SNX24: variants seen among roughly 807,000 people sequenced by gnomAD.
SNX24 encodes the protein sorting nexin 24.
In SNX24, 22 loss-of-function variants were observed where a neutral mutation model predicts 28.7. The ratio of observed to expected loss-of-function variants is 0.77; its 90% CI spans 0.55 to 1.10. The LOEUF is 1.10. Among genes scored for constraint, SNX24 ranks in the 50% least tolerant of loss-of-function variants. SNX24 has a pLI of 0.00. For missense variants in SNX24, 221 were observed against 201.1 expected (o/e 1.10, Z -0.60); for synonymous variants, 69 against 71.5 (o/e 0.96, Z 0.18).
chr5:122,994,966 A>T (rs1489789713), intron 3 of SNX24, among the ~76,000 whole-genome samples: 2 of 152,168 alleles, frequency 1.3e-5, no homozygotes, highest in Non-Finnish European at 2.9e-5. Context: ...CACCTGTAAC[A>T]GTTCTTTCAT....
At chr5:122,995,660 G>T (rs1762028344) in intron 3 of SNX24, among the ~76,000 whole-genome samples, 1 of 152,178 alleles carries the variant, frequency 6.6e-6, no homozygotes, top group African/African-American at 2.4e-5. Flanking sequence ...TTCACTCTGT[G>T]TGTATACCTG....
At chr5:122,851,002 T>C (rs1297123938) in intron 1 of SNX24, among the ~76,000 whole-genome samples, 2 of 152,148 alleles carry the variant, frequency 1.3e-5, no homozygotes, top group Non-Finnish European at 2.9e-5. Flanking sequence ...AAGTTGAGGA[T>C]GGACAGCAGT....
At chr5:122,855,405 A>AAT (rs1277105005) in intron 1 of SNX24, among the ~76,000 whole-genome samples, 1 of 152,210 alleles carries the variant, frequency 6.6e-6, no homozygotes, top group Admixed American at 6.5e-5. Flanking sequence ...AGTTTGCCCT[A>AAT]TCAGTTGACA....
At chr5:122,936,241 A>T (rs1759172840) in intron 1 of SNX24, among the ~76,000 whole-genome samples, 2 of 152,148 alleles carry the variant, frequency 1.3e-5, no homozygotes, top group South Asian at 4.1e-4. Context: ...GAGACTAGAG[A>T]TGAATATGCA....
rs1762499506 is a variant in SNX24, at chr5:123,008,828, T to G, written c.*1079T>G. 1 of 969,190 alleles carries G rather than the reference T, an allele frequency of 1.0e-6. No homozygotes were observed. The allele number at this position is 969,190 out of a possible 1,614,324, so 60.0% of individuals were successfully genotyped here. A position where few individuals can be genotyped will look rare whatever the true frequency, so the allele number is the denominator to read the frequency against. On this transcript the variant is annotated 3_prime_UTR_variant, in exon 7 of 7. Coordinates refer to ENST00000261369, the MANE Select transcript of SNX24 (RefSeq NM_014035.4). The stretch of plus-strand genomic sequence containing the variant: ...GTTTATGATATAACTCCACTGTACA[T>G]CATCCTTTGAGTAGTAAAGGATAAA...
Position 123,026,072 on chromosome 5 carries a change from A to T in SNX24, n.384-3166A>T, listed in dbSNP as rs896099932. The T allele has an allele frequency of 2.8e-5, 28 of 982,530 alleles. No individual in the cohort carries two copies. In the African/African-American group the frequency reaches 4.5e-4, roughly 16 times the overall value. The allele number at this position is 982,530 out of a possible 1,614,324, so 60.9% of individuals were successfully genotyped here. A position where few individuals can be genotyped will look rare whatever the true frequency, so the allele number is the denominator to read the frequency against. On this transcript the variant is annotated intron_variant and non_coding_transcript_variant, in intron 5 of 5. Transcript: ENST00000502387. ...GAATCAATTACTAGAACCCTATAGG[A>T]GGTAGGGATGGGGAAGACATGTTCA... is the stretch of plus-strand genomic sequence containing the variant.
chr5:122,871,080 G>A (rs965935433), intron 1 of SNX24, among the ~76,000 whole-genome samples: 1 of 152,182 alleles, frequency 6.6e-6, no homozygotes, highest in Non-Finnish European at 1.5e-5. Flanking sequence ...ACAGTGGAAG[G>A]TGAGAACTAC....
At chr5:122,868,802 G>A (rs531459415) in intron 1 of SNX24, among the ~76,000 whole-genome samples, 2 of 151,966 alleles carry the variant, frequency 1.3e-5, no homozygotes, top group East Asian at 3.9e-4. Flanking sequence ...GATTAAATCT[G>A]CGTCTCATCC....
intron 1 of SNX24, among the ~76,000 whole-genome samples, chr5:122,889,040 A>G (rs1756836405): frequency 6.6e-6 from 1 of 152,028 alleles, no homozygotes; most frequent in African/African-American, 2.4e-5. Context: ...TTTGGTAGAG[A>G]TGGGGTTTTG....
At position 122,904,065 on chromosome 5, in the gene SNX24, T is replaced by C. The variant is rs898176021; in HGVS notation, c.61-32669T>C. Among the ~76,000 whole-genome samples the C allele has an allele frequency of 2.6e-5, 4 of 152,296 alleles. No homozygotes were observed. In the South Asian group the frequency reaches 8.3e-4, roughly 32 times the overall value. On this transcript the variant is annotated intron_variant, in intron 1 of 6. Transcript: ENST00000261369. ...TACATTTTTTTTCAGCTCTTATAAA[T>C]TCTTGGGTTCTGTGGGTTAAGTTTA...
intron 1 of SNX24, among the ~76,000 whole-genome samples, chr5:122,892,039 T>G (rs571738208): frequency 1.3e-5 from 2 of 152,306 alleles, no homozygotes; most frequent in African/African-American, 4.8e-5. Context: ...TTCTTTTGTT[T>G]TTTCCACCAA....
intron 2 of SNX24, among the ~76,000 whole-genome samples, chr5:122,940,251 C>T (rs773887292): frequency 7.2e-5 from 11 of 152,158 alleles, no homozygotes; most frequent in Non-Finnish European, 1.5e-4. Context: ...ACCTCTGCCT[C>T]CCAAAGTGCT....
intron 1 of SNX24, among the ~76,000 whole-genome samples, chr5:122,913,012 G>C (rs1427211895): frequency 6.6e-6 from 1 of 152,148 alleles, no homozygotes; most frequent in Admixed American, 6.5e-5. Flanking sequence ...ACATGTTTCA[G>C]AGAGCACAGG....
intron 3 of SNX24, among the ~76,000 whole-genome samples, chr5:122,958,054 T>C (rs1464546151): frequency 6.6e-6 from 1 of 152,182 alleles, no homozygotes; most frequent in Admixed American, 6.5e-5. Flanking sequence ...AAACTTTGAG[T>C]ACTATGTTGA....
chr5:122,934,508 C>A (rs531300985), intron 1 of SNX24, among the ~76,000 whole-genome samples: 1 of 152,104 alleles, frequency 6.6e-6, no homozygotes, highest in African/African-American at 2.4e-5. Flanking sequence ...TACAGGCACA[C>A]ACCACTATGC....
intron 1 of SNX24, among the ~76,000 whole-genome samples, chr5:122,911,244 T>C (rs1342419863): frequency 3.3e-5 from 5 of 152,234 alleles, no homozygotes; most frequent in African/African-American, 4.8e-5. Context: ...TTTTCATGTG[T>C]CTTTTGGCTG....
chr5:122,930,791 A>G (rs569745975), intron 1 of SNX24, among the ~76,000 whole-genome samples: 59 of 152,162 alleles, frequency 3.9e-4, no homozygotes, highest in African/African-American at 1.4e-3. Context: ...AATCATATCA[A>G]TACACACACA....
At chr5:122,975,721 A>G (rs978065000) in intron 3 of SNX24, among the ~76,000 whole-genome samples, 3 of 152,218 alleles carry the variant, frequency 2.0e-5, no homozygotes, top group Non-Finnish European at 4.4e-5. Flanking sequence ...AAAAATCATT[A>G]TAAATGATCA....
chr5:122,949,553 AATTTATGG>A (rs1287545610), intron 3 of SNX24, among the ~76,000 whole-genome samples: 1 of 152,174 alleles, frequency 6.6e-6, no homozygotes, highest in Non-Finnish European at 1.5e-5. Flanking sequence ...CAGTGTAAAT[AATTTATGG>A]ATAGGTTCTA....
Sources: gnomAD v4.1 joint callset for allele counts (sites outside exome capture counted in the v4.1 genomes callset) on GRCh38, gnomAD v4.1.1 for gene constraint, MANE v1.5 for transcripts, NCBI Gene and HGNC (gene_info 2026-07-23, HGNC 2026-07-21) for gene names.